PCDH11X: variants seen among roughly 807,000 people sequenced by gnomAD.
PCDH11X encodes protocadherin 11 X-linked.
Under a neutral mutation model 53.3 loss-of-function variants are expected in PCDH11X, and 18 were observed. The ratio of observed to expected loss-of-function variants is 0.34; its 90% confidence interval spans 0.23 to 0.50. PCDH11X has a LOEUF of 0.50. Among genes scored for constraint, PCDH11X ranks in the 20% least tolerant of loss-of-function variants. PCDH11X has a pLI of 0.98. For missense variants in PCDH11X, 570 were observed against 1,032.4 expected (o/e 0.55, Z 6.14); for synonymous variants, 279 against 393.3 (o/e 0.71, Z 3.44).
chrX:92,612,905 T>C (rs1319951150), intron 10 of PCDH11X, among the ~76,000 whole-genome samples: 3 of 109,973 alleles, frequency 2.7e-5, no homozygotes, highest in African/African-American at 9.9e-5. Context: ...CTTTAAACTC[T>C]GTTTTATCTG....
chrX:92,492,272 G>T (rs1183737402), intron 10 of PCDH11X, among the ~76,000 whole-genome samples: 3 of 111,970 alleles, frequency 2.7e-5, no homozygotes, highest in Non-Finnish European at 5.6e-5. Flanking sequence ...CTACAATAAA[G>T]TAATGAGCCA....
In PCDH11X at chrX:91,951,139, G is replaced by A. The variant is rs765568894; in HGVS notation, c.3033+71866G>A. Among the ~76,000 whole-genome samples the A allele has an allele frequency of 6.3e-5, 7 of 111,091 alleles. No individual in the cohort carries two copies. The South Asian group carries it at 2.2e-3, about 35-fold the overall frequency. On this transcript the variant is annotated intron_variant, in intron 6 of 10. Transcript: ENST00000682573. ...TAACGTATTATTTTTCTCTCAGGAC[G>A]CTGTGTTAAATATGAGTGTACTTAT...
chrX:92,620,330 C>CTCT lies in PCDH11X; in HGVS notation c.*1392_*1394dup, dbSNP rs1368428185. 9.1e-6 allele frequency: 1 copy of CTCT among 110,082 alleles called. No homozygotes were observed. Among genetic ancestry groups the CTCT allele is most frequent in the African/African-American group, 3.3e-5 (1 of 30,259 alleles). 9.1% of individuals were successfully genotyped at this position (110,082 alleles called of 1,213,427 possible). A position where few individuals can be genotyped will look rare whatever the true frequency, so the allele number is the denominator to read the frequency against. ...TTGTCTGTTATTTCCTTCTTGTATC[C>CTCT]TCTTAACTGGCCATTATCTTGTATG... On this transcript the variant is annotated 3_prime_UTR_variant, in exon 11 of 11. Coordinates refer to ENST00000682573, the MANE Select transcript of PCDH11X (RefSeq NM_032968.5).
intron 6 of PCDH11X, among the ~76,000 whole-genome samples, chrX:92,046,270 A>G (rs1488778154): frequency 3.6e-5 from 4 of 111,897 alleles, no homozygotes; most frequent in East Asian, 2.8e-4. Context: ...GATGGACACA[A>G]CATTCTCTAT....
intron 9 of PCDH11X, among the ~76,000 whole-genome samples, chrX:92,434,332 CT>C (rs1233095015): frequency 9.2e-6 from 1 of 108,984 alleles, no homozygotes; most frequent in Non-Finnish European, 1.9e-5. Context: ...TAGCAAGATT[CT>C]ATAATTACAT....
chrX:92,438,962 A>G (rs1006816141), intron 9 of PCDH11X, among the ~76,000 whole-genome samples: 3 of 111,389 alleles, frequency 2.7e-5, no homozygotes, highest in African/African-American at 9.8e-5. Flanking sequence ...CCTCCCCTCC[A>G]CAGTAAACTT....
intron 10 of PCDH11X, among the ~76,000 whole-genome samples, chrX:92,544,592 T>G (rs191564039): frequency 0.01 from 1,142 of 109,404 alleles, 18 homozygotes; most frequent in African/African-American, 0.037. Flanking sequence ...CCTTTGGTCT[T>G]GTCTTATGTG....
intron 6 of PCDH11X, among the ~76,000 whole-genome samples, chrX:92,033,184 G>A (rs952307282): frequency 9.0e-6 from 1 of 110,953 alleles, no homozygotes; most frequent in Non-Finnish European, 1.9e-5. Flanking sequence ...ATTCATCAGA[G>A]GTATTGGCTT....
At chrX:92,042,634 C>CTTTTTTTT (rs3865918) in intron 6 of PCDH11X, among the ~76,000 whole-genome samples, 1 of 59,172 alleles carries the variant, frequency 1.7e-5, no homozygotes, top group Non-Finnish European at 2.8e-5. Context: ...AAAGTTGTTG[C>CTTTTTTTT]TTTTTTTTTT....
At chrX:92,185,765 G>A (rs1447490187) in intron 6 of PCDH11X, among the ~76,000 whole-genome samples, 3 of 109,521 alleles carry the variant, frequency 2.7e-5, no homozygotes, top group South Asian at 7.8e-4. Flanking sequence ...AAATCATCAG[G>A]GAAATCCAAA....
At chrX:92,319,607 C>T (rs908602670) in intron 8 of PCDH11X, among the ~76,000 whole-genome samples, 1 of 110,367 alleles carries the variant, frequency 9.1e-6, no homozygotes, top group African/African-American at 3.3e-5. Flanking sequence ...TGATCCTCCG[C>T]TTTGGTCCCC....
chrX:91,829,429 C>CACAT (rs1164834375), intron 4 of PCDH11X, among the ~76,000 whole-genome samples: 3 of 89,815 alleles, frequency 3.3e-5, no homozygotes, highest in Non-Finnish European at 6.5e-5. Context: ...CACACACACA[C>CACAT]ACACACACAC....
chrX:92,537,529 C>A (rs1241627112), intron 10 of PCDH11X, among the ~76,000 whole-genome samples: 2 of 108,049 alleles, frequency 1.9e-5, no homozygotes, highest in Non-Finnish European at 3.8e-5. Flanking sequence ...TATATGGAAC[C>A]CTGTAATATT....
At chrX:92,562,447 T>C (rs1167619259) in intron 10 of PCDH11X, among the ~76,000 whole-genome samples, 3 of 102,609 alleles carry the variant, frequency 2.9e-5, no homozygotes, top group Admixed American at 2.2e-4. Flanking sequence ...AAAGTCTTAA[T>C]TCATTTCAGT....
chrX:92,268,876 A>G (rs1488147401), intron 8 of PCDH11X, among the ~76,000 whole-genome samples: 1 of 112,285 alleles, frequency 8.9e-6, no homozygotes, highest in Non-Finnish European at 1.9e-5. Context: ...CCTCGTCTCT[A>G]CTAAAAATAC....
intron 4 of PCDH11X, among the ~76,000 whole-genome samples, chrX:91,816,531 TA>T (rs1936456685): frequency 9.0e-6 from 1 of 111,380 alleles, no homozygotes; most frequent in South Asian, 3.7e-4. Context: ...TTATAAAACA[TA>T]TATGATAATA....
At chrX:92,563,119 A>AGGTTTAATTG (rs1252465419) in intron 10 of PCDH11X, among the ~76,000 whole-genome samples, 88 of 77,478 alleles carry the variant, frequency 1.1e-3, no homozygotes, top group Non-Finnish European at 1.5e-3. Context: ...TAAAGTAAAA[A>AGGTTTAATTG]GGTTTAATTG....
intron 6 of PCDH11X, among the ~76,000 whole-genome samples, chrX:92,002,172 A>T (rs1473528981): frequency 9.1e-6 from 1 of 110,157 alleles, no homozygotes; most frequent in Non-Finnish European, 1.9e-5. Context: ...TTTCCCCATG[A>T]TATGTTCTTG....
intron 4 of PCDH11X, among the ~76,000 whole-genome samples, chrX:91,822,155 C>T (rs1261169483): frequency 9.1e-6 from 1 of 110,106 alleles, no homozygotes; most frequent in South Asian, 3.8e-4. Flanking sequence ...TGTGTCTCTG[C>T]CAGGCTTTGG....
Sources: gnomAD v4.1 joint callset for allele counts (sites outside exome capture counted in the v4.1 genomes callset) on GRCh38, gnomAD v4.1.1 for gene constraint, MANE v1.5 for transcripts, NCBI Gene and HGNC (gene_info 2026-07-23, HGNC 2026-07-21) for gene names.